Variants in DNAJC1 observed in about 807,000 individuals in gnomAD.
The protein encoded by DNAJC1 is dnaJ homolog subfamily C member 1.
Under a neutral mutation model 76.6 loss-of-function variants are expected in DNAJC1, and 58 were observed. The ratio of observed to expected loss-of-function variants is 0.76; its 90% CI spans 0.61 to 0.94. The LOEUF is 0.94. DNAJC1 is among the 40% of genes least tolerant of loss of function. DNAJC1 has a pLI of 0.00. For synonymous variants in DNAJC1, 258 were observed against 267.9 expected, an observed-to-expected ratio of 0.96 and a Z score of 0.36; for missense variants, 689 against 677.3, an observed-to-expected ratio of 1.02 and a Z score of -0.19.
chr10:21,781,154 T>C (rs1402450152), intron 9 of DNAJC1, among the ~76,000 whole-genome samples: 1 of 152,170 alleles, frequency 6.6e-6, no homozygotes, highest in Non-Finnish European at 1.5e-5. Context: ...TGGGAGACTT[T>C]AACACCCCAC....
At chr10:21,824,972 C>T (rs1424251333) in intron 8 of DNAJC1, among the ~76,000 whole-genome samples, 1 of 152,068 alleles carries the variant, frequency 6.6e-6, no homozygotes, top group Non-Finnish European at 1.5e-5. Context: ...GACGGGGTTT[C>T]ATCACCTTGG....
chr10:21,949,718 A>G (rs1837560760), intron 1 of DNAJC1, among the ~76,000 whole-genome samples: 1 of 151,938 alleles, frequency 6.6e-6, no homozygotes, highest in African/African-American at 2.4e-5. Flanking sequence ...CACCCGGCCA[A>G]TAAGCGATTG....
At chr10:21,843,187 G>T (rs1835600388) in intron 8 of DNAJC1, among the ~76,000 whole-genome samples, 2 of 152,018 alleles carry the variant, frequency 1.3e-5, no homozygotes, top group South Asian at 4.2e-4. Flanking sequence ...ATGATTATTG[G>T]AATAAGCTTA....
chr10:21,766,112 G>A (rs1221790361), intron 10 of DNAJC1, 149 bp downstream of exon 10: 4 of 670,232 alleles, frequency 6.0e-6, no homozygotes, highest in Middle Eastern at 7.3e-4. Flanking sequence ...GCTGGTGCCC[G>A]TATTTCAACC....
intron 1 of DNAJC1, among the ~76,000 whole-genome samples, chr10:21,981,313 T>G (rs1470926528): frequency 6.6e-6 from 1 of 152,160 alleles, no homozygotes; most frequent in Non-Finnish European, 1.5e-5. Flanking sequence ...ATTCTATCAT[T>G]TACTCACTTG....
chr10:21,891,725 C>A (rs1836466671), intron 7 of DNAJC1, among the ~76,000 whole-genome samples: 2 of 152,172 alleles, frequency 1.3e-5, no homozygotes, highest in African/African-American at 4.8e-5. Flanking sequence ...CAATATCTTA[C>A]CGGCATGAAG....
intron 9 of DNAJC1, among the ~76,000 whole-genome samples, chr10:21,770,607 C>G (rs1246730067): frequency 6.6e-6 from 1 of 152,092 alleles, no homozygotes; most frequent in Non-Finnish European, 1.5e-5. Flanking sequence ...CCGTGTTGGT[C>G]AGGCTGGTCT....
intron 1 of DNAJC1, among the ~76,000 whole-genome samples, chr10:21,952,882 T>A (rs1168203427): frequency 2.0e-5 from 3 of 152,128 alleles, no homozygotes; most frequent in Non-Finnish European, 4.4e-5. Flanking sequence ...CTGGGAAAAA[T>A]CACTATTCTT....
chr10:21,864,312 T>C (rs1835959682), intron 8 of DNAJC1, among the ~76,000 whole-genome samples: 1 of 151,824 alleles, frequency 6.6e-6, no homozygotes. Flanking sequence ...GAAACCTAAA[T>C]ATAAGATAAA....
chr10:21,850,815 G>A (rs1835739296), intron 8 of DNAJC1, among the ~76,000 whole-genome samples: 1 of 152,116 alleles, frequency 6.6e-6, no homozygotes. Context: ...GTACTGGCAT[G>A]AAGACAGACA....
At chr10:21,805,104 T>C (rs1326233251) in intron 9 of DNAJC1, among the ~76,000 whole-genome samples, 5 of 152,082 alleles carry the variant, frequency 3.3e-5, no homozygotes, top group African/African-American at 9.7e-5. Context: ...ATCAGTACTA[T>C]AAAAGGCCTA....
intron 8 of DNAJC1, among the ~76,000 whole-genome samples, chr10:21,842,031 G>A (rs1390065374): frequency 6.8e-6 from 1 of 147,464 alleles, no homozygotes; most frequent in Admixed American, 7.0e-5. Flanking sequence ...CTCACTCATA[G>A]GTGGGAACTG....
chr10:21,939,725 A>G (rs999128740), intron 1 of DNAJC1, among the ~76,000 whole-genome samples: 1 of 152,106 alleles, frequency 6.6e-6, no homozygotes, highest in African/African-American at 2.4e-5. Context: ...AAAATTGCCT[A>G]ACGATGCATT....
intron 8 of DNAJC1, among the ~76,000 whole-genome samples, chr10:21,817,789 G>A (rs1157670634): frequency 6.6e-6 from 1 of 152,154 alleles, no homozygotes; most frequent in Non-Finnish European, 1.5e-5. Context: ...TCTTATGCCT[G>A]TCTTTACGGC....
intron 8 of DNAJC1, among the ~76,000 whole-genome samples, chr10:21,844,236 G>T (rs1335683872): frequency 6.6e-6 from 1 of 151,920 alleles, no homozygotes; most frequent in Admixed American, 6.6e-5. Flanking sequence ...GAGTAGCTGG[G>T]ATTACAGCTG....
chr10:21,757,789 T>G (rs1407225094), intron 11 of DNAJC1, among the ~76,000 whole-genome samples: 1 of 152,218 alleles, frequency 6.6e-6, no homozygotes, highest in Non-Finnish European at 1.5e-5. Flanking sequence ...AGCTCAGCCC[T>G]GCCTCGCTCT....
At chr10:21,780,712 A>G (rs1448594821) in intron 9 of DNAJC1, among the ~76,000 whole-genome samples, 2 of 152,204 alleles carry the variant, frequency 1.3e-5, no homozygotes, top group South Asian at 2.1e-4. Flanking sequence ...ACCAACTAAC[A>G]TCATAATGAC....
intron 3 of DNAJC1, among the ~76,000 whole-genome samples, chr10:21,926,570 T>C (rs1053074653): frequency 2.0e-5 from 3 of 152,214 alleles, no homozygotes; most frequent in African/African-American, 7.2e-5. Context: ...CTCTTTTTTT[T>C]CCTAAAGGAA....
intron 1 of DNAJC1, 100 bp downstream of exon 1, chr10:22,003,113 C>T (rs2131858131): frequency 7.4e-7 from 1 of 1,347,046 alleles, no homozygotes; most frequent in South Asian, 2.0e-5. Context: ...CCCGGGGTGA[C>T]CAAGCCCTGC....
Sources: gnomAD v4.1 joint callset for allele counts (sites outside exome capture counted in the v4.1 genomes callset) on GRCh38, gnomAD v4.1.1 for gene constraint, MANE v1.5 for transcripts, NCBI Gene and HGNC (gene_info 2026-07-23, HGNC 2026-07-21) for gene names.